The following TOX2 variants were observed in gnomAD, a reference collection of about 807,000 sequenced individuals.
TOX2 encodes granulosa cell HMG box 1.
Under a neutral mutation model 47.4 loss-of-function variants are expected in TOX2, and 15 were observed. The ratio of observed to expected loss-of-function variants is 0.32; its 90% CI spans 0.21 to 0.49. The LOEUF (loss-of-function observed/expected upper bound fraction) is 0.49. Ranked by LOEUF, TOX2 falls within the 20% of genes least tolerant of loss-of-function variation. TOX2 has a pLI of 0.99. For missense variants in TOX2, 622 were observed against 673.1 expected, an observed-to-expected ratio of 0.92 and a Z score of 0.84; for synonymous variants, 290 against 296.6, an observed-to-expected ratio of 0.98 and a Z score of 0.23.
At position 44,065,926 on chromosome 20, in the gene TOX2, C is replaced by T. The variant is rs748284007; in HGVS notation, c.1175C>T (p.Pro392Leu). Residue 392 changes from proline to leucine, a missense_variant, in exon 7 of 9, where the codon CCG (proline) becomes CTG (leucine). Physicochemically the swap from Pro to Leu is moderately conservative, Grantham distance 98 (BLOSUM62 -3). Transcript: ENST00000341197. ...CCAGGCCTCAGTGCGTCCCCGCCGC[C>T]GCCACCCTCCTTCCCGCTCAGCCCC... Reference protein sequence around the residue: ...LLPGLSASPPPPPSFPLSPTL... With the variant: ...LLPGLSASPPLPPSFPLSPTL... 47 of 1,611,466 alleles carry T rather than the reference C, an allele frequency of 2.9e-5. No homozygotes were observed. Among genetic ancestry groups the T allele is most frequent in the African/African-American group, 5.3e-5 (4 of 74,882 alleles).
intron 5 of TOX2, among the ~76,000 whole-genome samples, chr20:44,059,220 C>CA (rs1177250627): frequency 1.3e-5 from 2 of 152,096 alleles, no homozygotes; most frequent in East Asian, 3.9e-4. Context: ...TAGAGAAATG[C>CA]AAAATACACT....
At chr20:44,028,771 A>G (rs1329475742) in intron 3 of TOX2, among the ~76,000 whole-genome samples, 1 of 152,224 alleles carries the variant, frequency 6.6e-6, no homozygotes, top group Non-Finnish European at 1.5e-5. Flanking sequence ...CCCCTTTTGA[A>G]ATAGAAACTG....
rs1555842269 is a variant in TOX2 at position 44,026,228 on chromosome 20, G to GATATATATATATAGATAT, written c.411+19449_411+19450insGATATATATATATATATA. Among the ~76,000 whole-genome samples the GATATATATATATAGATAT allele has an allele frequency of 6.0e-4, 36 of 60,258 alleles. 4 individuals are homozygous for GATATATATATATAGATAT. The highest frequency in any genetic ancestry group is 1.4e-3 in the Admixed American group (11 of 7,640). The allele number at this position is 60,258 out of a possible 152,430, so 39.5% of individuals were successfully genotyped here. A position where few individuals can be genotyped will look rare whatever the true frequency, so the allele number is the denominator to read the frequency against. On this transcript the variant is annotated intron_variant, in intron 3 of 8. Coordinates refer to ENST00000341197, the MANE Select transcript of TOX2 (RefSeq NM_001098797.2). ...TCGATCGAGTGGATAAAGAAACTGT[G>GATATATATATATAGATAT]ATATATATATATATATATATAGACA...
chr20:44,004,531 G>A (rs545297384), intron 2 of TOX2, among the ~76,000 whole-genome samples: 1 of 152,314 alleles, frequency 6.6e-6, no homozygotes, highest in South Asian at 2.1e-4. Context: ...AAGGGGCCAT[G>A]TGGGCTCTGG....
chr20:43,930,711 G>A (rs1332052188), intron 1 of TOX2, among the ~76,000 whole-genome samples: 1 of 152,096 alleles, frequency 6.6e-6, no homozygotes, highest in Non-Finnish European at 1.5e-5. Flanking sequence ...GGACTTTTTG[G>A]TGGCTTCTCT....
chr20:43,988,169 C>G (rs2070304755), intron 2 of TOX2, among the ~76,000 whole-genome samples: 1 of 152,086 alleles, frequency 6.6e-6, no homozygotes, highest in African/African-American at 2.4e-5. Flanking sequence ...CTGCCCGCCT[C>G]GGCCTCCCAA....
At chr20:44,035,237 C>T (rs529741240) in intron 3 of TOX2, among the ~76,000 whole-genome samples, 2 of 152,360 alleles carry the variant, frequency 1.3e-5, no homozygotes, top group South Asian at 4.1e-4. Flanking sequence ...GATGGCTCCC[C>T]ATGGGTCTGG....
At chr20:43,964,460 C>T (rs180851295) in intron 1 of TOX2, among the ~76,000 whole-genome samples, 264 of 152,312 alleles carry the variant, frequency 1.7e-3, no homozygotes, top group Non-Finnish European at 2.3e-3. Flanking sequence ...GCGTTCTCAC[C>T]GCCCAATGTG....
chr20:44,014,387 T>C lies in TOX2; in HGVS notation c.411+7595T>C, dbSNP rs555243952. ...AGAGAGAAATGGTAGAGTCGCATCATATGAGGGTGTGCACGCAGAGAGGCA... is the reference window on the plus strand; with the variant it reads ...AGAGAGAAATGGTAGAGTCGCATCACATGAGGGTGTGCACGCAGAGAGGCA... On this transcript the variant is annotated intron_variant, in intron 3 of 8. Coordinates refer to ENST00000341197, the MANE Select transcript of TOX2 (RefSeq NM_001098797.2). 9.2e-5 allele frequency among the ~76,000 whole-genome samples: 14 copies of C among 152,214 alleles called. No individual in the cohort carries two copies. The South Asian group carries it at 2.5e-3, about 27-fold the overall frequency.
chr20:43,987,361 G>T (rs909332237), intron 2 of TOX2, among the ~76,000 whole-genome samples: 1 of 152,184 alleles, frequency 6.6e-6, no homozygotes, highest in South Asian at 2.1e-4. Flanking sequence ...AGTTACCCTA[G>T]AGGGGGGTGG....
At chr20:43,968,158 G>A (rs188138982) in intron 1 of TOX2, among the ~76,000 whole-genome samples, 10 of 151,796 alleles carry the variant, frequency 6.6e-5, no homozygotes, top group East Asian at 5.8e-4. Flanking sequence ...CCATCCATTC[G>A]TCCACCCATC....
Position 44,054,339 on chromosome 20 carries a change from A to G in TOX2, c.692A>G (p.Lys231Arg), listed in dbSNP as rs201327310. The change falls in exon 5 of 9, where the codon AAG becomes AGG. Residue 231 changes from lysine to arginine, a missense_variant. By Grantham distance (26) the Lys-to-Arg change is conservative. Coordinates refer to ENST00000341197, the MANE Select transcript of TOX2 (RefSeq NM_001098797.2). Reference sequence around the variant, plus strand: ...AGACCTTCAGCCGACCCAGGAAAAAAGGCCAAGAACCCGAAGAAGAAGAAA... The same window carrying G: ...AGACCTTCAGCCGACCCAGGAAAAAGGGCCAAGAACCCGAAGAAGAAGAAA... ...EKRPSADPGK[K>R]AKNPKKKKKK... 3.7e-5 allele frequency: 59 copies of G among 1,612,760 alleles called. No individual in the cohort carries two copies. The Admixed American group carries it at 7.5e-4, about 21-fold the overall frequency.
intron 2 of TOX2, among the ~76,000 whole-genome samples, chr20:44,002,732 G>T (rs559128042): frequency 1.3e-5 from 2 of 152,184 alleles, no homozygotes; most frequent in South Asian, 2.1e-4. Flanking sequence ...GAAGGTGAAG[G>T]GGGGAGCAGG....
chr20:44,020,622 C>T (rs887942391), intron 3 of TOX2, among the ~76,000 whole-genome samples: 2 of 152,102 alleles, frequency 1.3e-5, no homozygotes, highest in Admixed American at 6.5e-5. Flanking sequence ...ATCCTAAGGC[C>T]AGCAGCAGCA....
chr20:44,054,652 G>A, intron 5 of TOX2, 126 bp downstream of exon 5: 2 of 1,048,824 alleles, frequency 1.9e-6, no homozygotes, highest in Non-Finnish European at 2.8e-6. Context: ...GTCTTTCCTG[G>A]GCTCAGGTTG....
intron 3 of TOX2, among the ~76,000 whole-genome samples, chr20:44,038,352 C>T (rs1600768177): frequency 6.6e-6 from 1 of 152,072 alleles, no homozygotes; most frequent in Non-Finnish European, 1.5e-5. Context: ...GCTGTCATTG[C>T]ACCACTGCAC....
At chr20:44,012,719 T>C (rs1402664856) in intron 3 of TOX2, among the ~76,000 whole-genome samples, 1 of 152,186 alleles carries the variant, frequency 6.6e-6, no homozygotes, top group African/African-American at 2.4e-5. Context: ...ATGGGTAGAA[T>C]TGTTTTGTTA....
chr20:43,926,565 T>G (rs1204501995), intron 1 of TOX2, among the ~76,000 whole-genome samples: 2 of 152,218 alleles, frequency 1.3e-5, no homozygotes, highest in African/African-American at 4.8e-5. Flanking sequence ...CCGAGCCCTC[T>G]GTAGAACAGC....
intron 2 of TOX2, among the ~76,000 whole-genome samples, chr20:44,002,874 G>A (rs555301267): frequency 2.5e-4 from 38 of 152,314 alleles, no homozygotes; most frequent in African/African-American, 8.7e-4. Context: ...AGCCACTACT[G>A]AAAGATCTGC....
Sources: allele counts gnomAD v4.1 joint callset (sites outside exome capture counted in the v4.1 genomes callset), GRCh38; gene constraint gnomAD v4.1.1; transcripts MANE v1.5; gene names NCBI Gene and HGNC (gene_info 2026-07-23, HGNC 2026-07-21).